RUNDC3B: variants seen among roughly 807,000 people sequenced by gnomAD.
RUNDC3B encodes the protein RUN domain containing 3B.
Under a neutral mutation model 58.4 loss-of-function variants are expected in RUNDC3B, and 33 were observed. That is an observed-to-expected ratio of 0.56 (90% CI 0.43 to 0.75). RUNDC3B has a LOEUF of 0.75. RUNDC3B is among the 30% of genes least tolerant of loss of function. The pLI is 0.00. For synonymous variants in RUNDC3B, 193 were observed against 195.2 expected (o/e 0.99, Z 0.10); for missense variants, 501 against 535.7 (o/e 0.94, Z 0.64).
intron 1 of RUNDC3B, among the ~76,000 whole-genome samples, chr7:87,647,816 C>G (rs1823163579): frequency 6.6e-6 from 1 of 152,108 alleles, no homozygotes; most frequent in African/African-American, 2.4e-5. Flanking sequence ...TAGGATTTGT[C>G]CCTATGCATC....
intron 6 of RUNDC3B, among the ~76,000 whole-genome samples, chr7:87,745,970 G>A (rs1365278091): frequency 6.6e-6 from 1 of 152,038 alleles, no homozygotes; most frequent in Non-Finnish European, 1.5e-5. Context: ...CACCGCCTTT[G>A]CTGTATCCGA....
At chr7:87,757,764 G>A (rs1833451787) in intron 6 of RUNDC3B, among the ~76,000 whole-genome samples, 1 of 151,972 alleles carries the variant, frequency 6.6e-6, no homozygotes, top group East Asian at 1.9e-4. Context: ...AAATACTATA[G>A]AGCTATAGTA....
chr7:87,650,026 T>G (rs1231365373), intron 1 of RUNDC3B, among the ~76,000 whole-genome samples: 1 of 152,208 alleles, frequency 6.6e-6, no homozygotes, highest in African/African-American at 2.4e-5. Context: ...GGGTAAGTCT[T>G]TATTAGCAGT....
At chr7:87,754,450 A>G (rs1833232866) in intron 6 of RUNDC3B, among the ~76,000 whole-genome samples, 1 of 152,184 alleles carries the variant, frequency 6.6e-6, no homozygotes, top group Non-Finnish European at 1.5e-5. Flanking sequence ...ACTGTTAAGA[A>G]GGAAGTTCAT....
intron 5 of RUNDC3B, 144 bp downstream of exon 5, chr7:87,740,024 A>G: frequency 2.3e-6 from 1 of 428,222 alleles, no homozygotes; most frequent in Non-Finnish European, 4.1e-6. Flanking sequence ...AAATGACATC[A>G]GTTTGTTTTC....
chr7:87,641,447 C>G (rs1822443309), intron 1 of RUNDC3B, among the ~76,000 whole-genome samples: 1 of 152,172 alleles, frequency 6.6e-6, no homozygotes, highest in African/African-American at 2.4e-5. Context: ...CTTGAACAAC[C>G]TACAGTTTGC....
At chr7:87,761,274 A>G (rs1833665424) in intron 6 of RUNDC3B, among the ~76,000 whole-genome samples, 1 of 151,940 alleles carries the variant, frequency 6.6e-6, no homozygotes, top group African/African-American at 2.4e-5. Flanking sequence ...AACCACAGTA[A>G]GACACCACTT....
At chr7:87,668,537 G>T (rs2130501050) in intron 2 of RUNDC3B, among the ~76,000 whole-genome samples, 1 of 151,552 alleles carries the variant, frequency 6.6e-6, no homozygotes, top group African/African-American at 2.4e-5. Flanking sequence ...GGGTTGATTT[G>T]TTCTTGCCTA....
At chr7:87,700,078 G>A (rs180806718) in intron 2 of RUNDC3B, among the ~76,000 whole-genome samples, 4 of 152,016 alleles carry the variant, frequency 2.6e-5, no homozygotes, top group Non-Finnish European at 4.4e-5. Flanking sequence ...AACTAGAAGC[G>A]CAGGAAGGTT....
chr7:87,694,130 T>C, intron 2 of RUNDC3B: 2 of 648,178 alleles, frequency 3.1e-6, no homozygotes, highest in Non-Finnish European at 3.8e-6. Context: ...AGAGCACAAG[T>C]ATGCTTATGC....
chr7:87,703,110 A>T (rs982466828), intron 3 of RUNDC3B, among the ~76,000 whole-genome samples: 1 of 152,234 alleles, frequency 6.6e-6, no homozygotes, highest in Non-Finnish European at 1.5e-5. Flanking sequence ...TGATATTTAC[A>T]GTTTTAAGAT....
At chr7:87,648,857 G>T (rs1823288165) in intron 1 of RUNDC3B, among the ~76,000 whole-genome samples, 1 of 151,904 alleles carries the variant, frequency 6.6e-6, no homozygotes, top group African/African-American at 2.4e-5. Context: ...GCTGTGCTAA[G>T]TGAGGACTGC....
At chr7:87,650,540 C>T (rs12539395) in intron 1 of RUNDC3B, among the ~76,000 whole-genome samples, 23,873 of 151,950 alleles carry the variant, frequency 0.16, 3,172 homozygotes, top group African/African-American at 0.37. Flanking sequence ...CCAAAGGCAC[C>T]CACCCTTAAT....
intron 2 of RUNDC3B, among the ~76,000 whole-genome samples, chr7:87,658,656 A>G (rs1228525246): frequency 6.6e-6 from 1 of 152,248 alleles, no homozygotes; most frequent in Non-Finnish European, 1.5e-5. Flanking sequence ...CTTGCCTACA[A>G]GTAAGCAATT....
At chr7:87,652,354 C>T (rs1585007480) in intron 2 of RUNDC3B, among the ~76,000 whole-genome samples, 1 of 152,144 alleles carries the variant, frequency 6.6e-6, no homozygotes, top group East Asian at 1.9e-4. Context: ...TGGATGCCTC[C>T]TGCGCACTAA....
At chr7:87,661,363 A>G (rs1824694249) in intron 2 of RUNDC3B, among the ~76,000 whole-genome samples, 1 of 149,598 alleles carries the variant, frequency 6.7e-6, no homozygotes, top group Non-Finnish European at 1.5e-5. Flanking sequence ...TATTAGTTCT[A>G]TCTAACTACA....
chr7:87,686,777 A>G (rs1349169023), intron 2 of RUNDC3B, among the ~76,000 whole-genome samples: 3 of 134,000 alleles, frequency 2.2e-5, no homozygotes, highest in Non-Finnish European at 3.2e-5. Context: ...CCGCCTCTAG[A>G]AAAAAAAAAA....
intron 1 of RUNDC3B, 130 bp from the exon 2 acceptor site, chr7:87,650,692 G>T: frequency 1.6e-6 from 1 of 629,918 alleles, no homozygotes; most frequent in South Asian, 1.9e-5. Flanking sequence ...GAATAAATGG[G>T]GTTTTTCAGA....
intron 2 of RUNDC3B, among the ~76,000 whole-genome samples, chr7:87,656,023 A>G (rs779781214): frequency 6.6e-6 from 1 of 152,052 alleles, no homozygotes; most frequent in Non-Finnish European, 1.5e-5. Context: ...CTAGACCCCA[A>G]ATCTGATGGT....
Sources: allele counts gnomAD v4.1 joint callset (sites outside exome capture counted in the v4.1 genomes callset), GRCh38; gene constraint gnomAD v4.1.1; transcripts MANE v1.5; gene names NCBI Gene and HGNC (gene_info 2026-07-23, HGNC 2026-07-21).